Variants in EPHB2 observed in about 807,000 individuals in gnomAD.
The protein encoded by EPHB2 is EPH receptor B2.
In EPHB2, 18 loss-of-function variants were observed where a neutral mutation model predicts 96.4. The observed-to-expected ratio is 0.19, with a 90% confidence interval of 0.13 to 0.28. The LOEUF is 0.28. EPHB2 is among the 10% of genes least tolerant of loss of function. EPHB2 has a pLI of 1.00. For synonymous variants in EPHB2, 506 were observed against 534.1 expected (o/e 0.95, Z 0.72); for missense variants, 989 against 1,355.4 (o/e 0.73, Z 4.25).
chr1:22,872,346 CAA>C (rs1299177553), intron 5 of EPHB2, among the ~76,000 whole-genome samples: 1 of 152,152 alleles, frequency 6.6e-6, no homozygotes, highest in Non-Finnish European at 1.5e-5. Context: ...TGTAAGCACT[CAA>C]GAGATGAAGT....
At chr1:22,769,183 G>A (rs1644346319) in intron 1 of EPHB2, among the ~76,000 whole-genome samples, 2 of 152,126 alleles carry the variant, frequency 1.3e-5, no homozygotes, top group Non-Finnish European at 1.5e-5. Context: ...TGGGGTCCTC[G>A]TGAAGCAGGC....
intron 5 of EPHB2, among the ~76,000 whole-genome samples, chr1:22,873,504 C>T (rs879232818): frequency 5.3e-5 from 8 of 152,086 alleles, no homozygotes; most frequent in African/African-American, 1.7e-4. Flanking sequence ...CGTGGCCAAG[C>T]GAGAGTCAGA....
rs1211206346 is a variant in EPHB2 at position 22,914,006 on chromosome 1, G to A, written c.*436G>A. ...AACAAATGTGAAGGGGAGAGACAGG[G>A]GCCGCCCTTGGCTCCTGTCCCTGCT... On this transcript the variant is annotated 3_prime_UTR_variant, in exon 16 of 16. Coordinates refer to ENST00000374630, the MANE Select transcript of EPHB2 (RefSeq NM_017449.5). 4.2e-6 allele frequency: 5 copies of A among 1,181,968 alleles called. No individual in the cohort carries two copies. The highest frequency in any genetic ancestry group is 5.8e-6 in the Non-Finnish European group (5 of 862,002). The allele number at this position is 1,181,968 out of a possible 1,614,324, so 73.2% of individuals were successfully genotyped here.
intron 5 of EPHB2, among the ~76,000 whole-genome samples, chr1:22,876,376 C>A (rs528036055): frequency 6.6e-6 from 1 of 152,216 alleles, no homozygotes; most frequent in East Asian, 1.9e-4. Flanking sequence ...TGAGAGACCA[C>A]CCCGTACAAC....
intron 3 of EPHB2, among the ~76,000 whole-genome samples, chr1:22,845,200 G>A (rs377582236): frequency 1.3e-5 from 2 of 152,172 alleles, no homozygotes; most frequent in African/African-American, 4.8e-5. Flanking sequence ...TTGGACAAGC[G>A]ACTTACCTCT....
At chr1:22,796,022 G>C (rs916261906) in intron 3 of EPHB2, among the ~76,000 whole-genome samples, 1 of 152,160 alleles carries the variant, frequency 6.6e-6, no homozygotes, top group Non-Finnish European at 1.5e-5. Flanking sequence ...GGGAGCCCAG[G>C]GGTCTCACTC....
At chr1:22,726,785 A>G (rs1357992550) in intron 1 of EPHB2, among the ~76,000 whole-genome samples, 1 of 152,146 alleles carries the variant, frequency 6.6e-6, no homozygotes, top group Non-Finnish European at 1.5e-5. Context: ...TTAGTGATAT[A>G]CCCAAGGTCA....
chr1:22,819,302 G>A lies in EPHB2; in HGVS notation c.811+34226G>A, dbSNP rs142721310. On this transcript the variant is annotated intron_variant, in intron 3 of 15. Coordinates refer to ENST00000374630, the MANE Select transcript of EPHB2 (RefSeq NM_017449.5). ...CCTTGAAACTCCATCTCCGGCCACC[G>A]CCTCTCACAACCTCTGTTCCAGTCT... Among the ~76,000 whole-genome samples the A allele has an allele frequency of 1.6e-3, 235 of 144,722 alleles. 1 individual carries two copies. Among genetic ancestry groups the A allele is most frequent in the Middle Eastern group, 3.5e-3 (1 of 282 alleles). The allele number at this position is 144,722 out of a possible 152,430, so 94.9% of individuals were successfully genotyped here.
intron 1 of EPHB2, among the ~76,000 whole-genome samples, chr1:22,766,512 G>A (rs574460263): frequency 6.6e-6 from 1 of 152,334 alleles, no homozygotes; most frequent in South Asian, 2.1e-4. Flanking sequence ...TAGGCTGACT[G>A]TGCCAGGCCT....
intron 1 of EPHB2, among the ~76,000 whole-genome samples, chr1:22,739,417 T>C (rs566431261): frequency 2.0e-5 from 3 of 152,268 alleles, no homozygotes; most frequent in Admixed American, 2.0e-4. Context: ...GGGTTCACCT[T>C]GTTGGCCAGG....
chr1:22,879,369 G>T (rs1432620806), intron 5 of EPHB2, among the ~76,000 whole-genome samples: 1 of 152,206 alleles, frequency 6.6e-6, no homozygotes, highest in Non-Finnish European at 1.5e-5. Flanking sequence ...TTATTTTGTT[G>T]TTTCACTGGG....
At chr1:22,829,565 C>T (rs868236535) in intron 3 of EPHB2, among the ~76,000 whole-genome samples, 2 of 152,246 alleles carry the variant, frequency 1.3e-5, no homozygotes, top group South Asian at 4.1e-4. Context: ...ACCCTTCCCC[C>T]ATCCATCATT....
At position 22,863,196 on chromosome 1, in the gene EPHB2, A is replaced by T; in HGVS notation, c.967+4A>T. 1 of 1,614,152 alleles carries T rather than the reference A, an allele frequency of 6.2e-7. No homozygotes were observed. Among genetic ancestry groups the T allele is most frequent in the Non-Finnish European group, 8.5e-7 (1 of 1,180,026 alleles). On this transcript the variant is annotated splice_donor_region_variant and intron_variant, in intron 4 of 15. Transcript: ENST00000374630. ...CCCCTGGACATGCCCTGCACAAGTA[A>T]GTCCTAGGGCCCCTCAAGGGCGATG... is the stretch of plus-strand genomic sequence containing the variant.
chr1:22,764,863 C>G (rs1263601857), intron 1 of EPHB2, among the ~76,000 whole-genome samples: 2 of 152,198 alleles, frequency 1.3e-5, no homozygotes, highest in Non-Finnish European at 2.9e-5. Flanking sequence ...GGTTCCCGCT[C>G]CCCTGCGACT....
intron 3 of EPHB2, among the ~76,000 whole-genome samples, chr1:22,798,280 A>G (rs539865514): frequency 3.0e-3 from 460 of 151,974 alleles, no homozygotes; most frequent in Non-Finnish European, 5.5e-3. Flanking sequence ...TCTTCCTGCC[A>G]CCTCTGGAGG....
intron 3 of EPHB2, among the ~76,000 whole-genome samples, chr1:22,792,315 G>A (rs1644706061): frequency 6.6e-6 from 1 of 152,130 alleles, no homozygotes; most frequent in Non-Finnish European, 1.5e-5. Flanking sequence ...GGGAGGCCCA[G>A]ACCCCCACAT....
chr1:22,839,443 G>A (rs60009610), intron 3 of EPHB2, among the ~76,000 whole-genome samples: 2,380 of 152,300 alleles, frequency 0.016, 59 homozygotes, highest in African/African-American at 0.053. Flanking sequence ...CCTGGTGACC[G>A]TCAGCAAGAG....
chr1:22,749,195 A>G (rs1198854787), intron 1 of EPHB2, among the ~76,000 whole-genome samples: 1 of 151,536 alleles, frequency 6.6e-6, no homozygotes. Context: ...TCATTTTTGT[A>G]TTTTTAATAG....
chr1:22,792,970 T>A (rs968840506), intron 3 of EPHB2, among the ~76,000 whole-genome samples: 1 of 152,008 alleles, frequency 6.6e-6, no homozygotes, highest in African/African-American at 2.4e-5. Flanking sequence ...GAGGGGCCAC[T>A]GCGGTGGAAG....
Sources: allele counts gnomAD v4.1 joint callset (sites outside exome capture counted in the v4.1 genomes callset), GRCh38; gene constraint gnomAD v4.1.1; transcripts MANE v1.5; gene names NCBI Gene and HGNC (gene_info 2026-07-23, HGNC 2026-07-21).